Variants in PTCHD4 observed in about 807,000 individuals in gnomAD.
PTCHD4 encodes the protein patched domain containing 4.
PTCHD4 carries 33 observed loss-of-function variants against 58.1 expected under a neutral mutation model. The observed-to-expected ratio is 0.57, with a 90% CI of 0.43 to 0.76. The LOEUF is 0.76. PTCHD4 is among the 30% of genes least tolerant of loss of function. The pLI is 0.00. For missense variants in PTCHD4, 1,058 were observed against 1,027.1 expected (o/e 1.03, Z -0.41); for synonymous variants, 478 against 409.6 (o/e 1.17, Z -2.02).
intron 1 of PTCHD4, among the ~76,000 whole-genome samples, chr6:48,110,432 A>G (rs1765841293): frequency 6.6e-6 from 1 of 152,104 alleles, no homozygotes; most frequent in South Asian, 2.1e-4. Context: ...TAGAATACAT[A>G]AAAGAAACAG....
chr6:47,868,035 T>C lies in PTCHD4; in HGVS notation c.*10268A>G, dbSNP rs1581799632. 6.6e-6 allele frequency among the ~76,000 whole-genome samples: 1 copy of C among 151,840 alleles called. No individual in the cohort carries two copies. Among genetic ancestry groups the C allele is most frequent in the East Asian group, 1.9e-4 (1 of 5,134 alleles). On this transcript the variant is annotated 3_prime_UTR_variant, in exon 5 of 5. Transcript: ENST00000339488. ...CAAACTTTTTGGAGACTTAGATATG[T>C]CAGGGTTTTTCTGAAACTTTCCAAT...
chr6:47,990,048 T>C (rs1337914710), intron 4 of PTCHD4, among the ~76,000 whole-genome samples: 1 of 152,188 alleles, frequency 6.6e-6, no homozygotes, highest in Non-Finnish European at 1.5e-5. Context: ...GTGACCTCGA[T>C]GTGGGACCTG....
intron 4 of PTCHD4, among the ~76,000 whole-genome samples, chr6:47,929,223 A>G (rs1765729145): frequency 6.6e-6 from 1 of 152,226 alleles, no homozygotes; most frequent in South Asian, 2.1e-4. Flanking sequence ...GTAAAAGATA[A>G]TTTACATACC....
chr6:48,105,004 G>T (rs1312473270), intron 1 of PTCHD4, among the ~76,000 whole-genome samples: 1 of 152,146 alleles, frequency 6.6e-6, no homozygotes, highest in African/African-American at 2.4e-5. Flanking sequence ...ATAATAATGG[G>T]AGACTTTAAC....
Position 47,878,813 on chromosome 6 carries a change from GAA to G in PTCHD4, c.2020_2021del (p.Phe674ProfsTer14). ...AGTTTCCCAGAGGGTGGATCACTAG[GAA>G]AAAAGTCAGGATTAACACCAGGAGA... Reference protein sequence around the residue: ...GVLLVLILTFFLVIHPLGNFW... With the variant: ...GVLLVLILTFXLVIHPLGNFW... On this transcript the variant is annotated frameshift_variant, in exon 5 of 5. Transcript: ENST00000339488. LOFTEE classifies it high-confidence loss of function. The G allele has an allele frequency of 6.2e-7, 1 of 1,613,532 alleles. No individual in the cohort carries two copies. Among genetic ancestry groups the G allele is most frequent in the South Asian group, 1.1e-5 (1 of 91,070 alleles).
rs779233789 is a variant in PTCHD4, at chr6:47,874,526, TC to T, written c.*3776del. Reference sequence around the variant, plus strand: ...TGAATGGCAATAGTTAATCCTTAGCTCTAACCACAAGCCTAGAAGGATTAGC... The same window carrying T: ...TGAATGGCAATAGTTAATCCTTAGCTTAACCACAAGCCTAGAAGGATTAGC... On this transcript the variant is annotated 3_prime_UTR_variant, in exon 5 of 5. Transcript: ENST00000339488. 1.4e-4 allele frequency among the ~76,000 whole-genome samples: 22 copies of T among 151,734 alleles called. No individual in the cohort carries two copies. Among genetic ancestry groups the T allele is most frequent in the Non-Finnish European group, 3.1e-4 (21 of 67,814 alleles).
In PTCHD4 at chr6:47,859,211, A is replaced by G. The variant is rs1161872756; in HGVS notation, c.*19092T>C. ...AAGCAGCAGGCTACCAATTGCTCCC[A>G]TTTAAGGATGTGGCTGCCATGATAA... On this transcript the variant is annotated 3_prime_UTR_variant, in exon 5 of 5. Transcript: ENST00000339488. Among the ~76,000 whole-genome samples, 1 of 152,032 alleles carries G rather than the reference A, an allele frequency of 6.6e-6. No homozygotes were observed. Among genetic ancestry groups the G allele is most frequent in the Non-Finnish European group, 1.5e-5 (1 of 67,974 alleles).
chr6:47,957,073 G>A (rs1358465520), intron 4 of PTCHD4, among the ~76,000 whole-genome samples: 7 of 151,534 alleles, frequency 4.6e-5, no homozygotes, highest in African/African-American at 1.7e-4. Flanking sequence ...GCTGAGGCAT[G>A]AGAATCACTT....
intron 4 of PTCHD4, among the ~76,000 whole-genome samples, chr6:48,006,708 G>A (rs377119250): frequency 6.6e-6 from 1 of 152,184 alleles, no homozygotes; most frequent in Non-Finnish European, 1.5e-5. Flanking sequence ...TATGTATTTA[G>A]AGATGATATG....
At chr6:48,007,963 C>CACACAT (rs1491093812) in intron 4 of PTCHD4, among the ~76,000 whole-genome samples, 2 of 151,298 alleles carry the variant, frequency 1.3e-5, no homozygotes, top group African/African-American at 2.4e-5. Context: ...CACACACACA[C>CACACAT]GCACCACCTA....
intron 4 of PTCHD4, among the ~76,000 whole-genome samples, chr6:47,911,141 C>A (rs1235730655): frequency 1.3e-5 from 2 of 152,140 alleles, no homozygotes; most frequent in African/African-American, 4.8e-5. Context: ...AGGTTCCTTG[C>A]ACTCTGGTCT....
chr6:48,070,875 C>T (rs1282391451), intron 1 of PTCHD4, among the ~76,000 whole-genome samples: 1 of 152,190 alleles, frequency 6.6e-6, no homozygotes, highest in Admixed American at 6.5e-5. Context: ...ATGTATCTAT[C>T]GTCCATTTTC....
chr6:48,066,702 A>T (rs996201307), intron 3 of PTCHD4, among the ~76,000 whole-genome samples: 6 of 152,208 alleles, frequency 3.9e-5, no homozygotes, highest in Non-Finnish European at 7.3e-5. Flanking sequence ...CTGATAAATC[A>T]TCTGTTTCGT....
At chr6:47,988,470 T>C (rs1768161652) in intron 4 of PTCHD4, among the ~76,000 whole-genome samples, 1 of 152,154 alleles carries the variant, frequency 6.6e-6, no homozygotes. Flanking sequence ...GAACTAATTA[T>C]AAAAACCTTA....
At chr6:47,916,605 C>A (rs1012020532) in intron 4 of PTCHD4, among the ~76,000 whole-genome samples, 1 of 152,052 alleles carries the variant, frequency 6.6e-6, no homozygotes, top group Non-Finnish European at 1.5e-5. Context: ...AACTTTCTTA[C>A]CCCCTTGAAT....
intron 4 of PTCHD4, among the ~76,000 whole-genome samples, chr6:47,983,066 G>A (rs1048358221): frequency 6.6e-6 from 1 of 152,118 alleles, no homozygotes. Context: ...AGATAATGGA[G>A]ATACTGTTGG....
chr6:48,105,187 A>T, intron 1 of PTCHD4, among the ~76,000 whole-genome samples: 1 of 152,136 alleles, frequency 6.6e-6, no homozygotes, highest in Non-Finnish European at 1.5e-5. Flanking sequence ...TCCAAAATTG[A>T]CCACATAGTT....
chr6:47,905,425 T>C (rs1393439821), intron 4 of PTCHD4, among the ~76,000 whole-genome samples: 3 of 152,194 alleles, frequency 2.0e-5, no homozygotes, highest in Non-Finnish European at 4.4e-5. Flanking sequence ...ACATTTATTA[T>C]ATTGTTACTA....
chr6:48,007,465 G>A (rs531489392), intron 4 of PTCHD4, among the ~76,000 whole-genome samples: 119 of 152,268 alleles, frequency 7.8e-4, no homozygotes, highest in African/African-American at 2.8e-3. Flanking sequence ...CAATAAAGCT[G>A]TAATTCAGAG....
Sources: allele counts gnomAD v4.1 joint callset (sites outside exome capture counted in the v4.1 genomes callset), GRCh38; gene constraint gnomAD v4.1.1; transcripts MANE v1.5; gene names NCBI Gene and HGNC (gene_info 2026-07-23, HGNC 2026-07-21).